The following SMARCD1 variants were observed in gnomAD, a reference collection of about 807,000 sequenced individuals.
SMARCD1 encodes the protein SWI/SNF-related matrix-associated actin-dependent regulator of chromatin subfamily D member 1.
SMARCD1 carries 16 observed loss-of-function variants against 70.8 expected under a neutral mutation model. That is an observed-to-expected ratio of 0.23 (90% confidence interval 0.15 to 0.34). The LOEUF (loss-of-function observed/expected upper bound fraction) is 0.34, where lower values mean the gene tolerates loss of function less well. Ranked by LOEUF, SMARCD1 falls within the 10% of genes least tolerant of loss-of-function variation. The pLI, the probability that SMARCD1 is intolerant of heterozygous loss-of-function variation, is 1.00. For synonymous variants in SMARCD1, 249 were observed against 246.0 expected, an observed-to-expected ratio of 1.01 and a Z score of -0.11; for missense variants, 409 against 655.5, an observed-to-expected ratio of 0.62 and a Z score of 4.11.
rs1413528857 is a variant in SMARCD1 at position 50,087,354 on chromosome 12, C to T, written c.532-9C>T. The T allele has an allele frequency of 6.2e-7, 1 of 1,613,302 alleles. No individual in the cohort carries two copies. Among genetic ancestry groups the T allele is most frequent in the Non-Finnish European group, 8.5e-7 (1 of 1,179,560 alleles). ...GCCCCACGATCAATCCTGTTTCTGC[C>T]TTCCTCAGCAAAAACGGAAGCTGCG... On this transcript the variant is annotated splice_polypyrimidine_tract_variant and intron_variant, in intron 4 of 12. Coordinates refer to ENST00000394963, the MANE Select transcript of SMARCD1 (RefSeq NM_003076.5).
intron 9 of SMARCD1, 83 bp from the exon 10 acceptor site, chr12:50,094,354 C>A: frequency 1.4e-6 from 2 of 1,390,954 alleles, no homozygotes; most frequent in Non-Finnish European, 9.8e-7. Flanking sequence ...CTTTTCTCTT[C>A]ATCCTGGGTC....
rs753092998 is a variant in SMARCD1 at position 50,099,134 on chromosome 12, T to G, written c.*134T>G. On this transcript the variant is annotated 3_prime_UTR_variant, in exon 13 of 13. Coordinates refer to ENST00000394963, the MANE Select transcript of SMARCD1 (RefSeq NM_003076.5). ...TGTTGGTTCAAGGACAACACCAGAA[T>G]GAAGAGGGTCTCACAAGACACCTGT... 2.6e-6 allele frequency: 2 copies of G among 757,120 alleles called. No homozygotes were observed. Among genetic ancestry groups the G allele is most frequent in the Non-Finnish European group, 4.6e-6 (2 of 434,890 alleles). 46.9% of individuals were successfully genotyped at this position (757,120 alleles called of 1,614,324 possible).
intron 5 of SMARCD1, 114 bp downstream of exon 5, chr12:50,087,599 T>A: frequency 1.6e-6 from 2 of 1,252,734 alleles, no homozygotes; most frequent in Non-Finnish European, 2.2e-6. Context: ...TTGGGAGCAG[T>A]AAGGAGAGGG....
At chr12:50,089,617 C>G (rs1314175928) in intron 6 of SMARCD1, among the ~76,000 whole-genome samples, 7 of 152,236 alleles carry the variant, frequency 4.6e-5, no homozygotes, top group Non-Finnish European at 7.3e-5. Flanking sequence ...TGTTACTGTT[C>G]ACATGTGTAT....
chr12:50,089,889 C>T lies in SMARCD1; in HGVS notation c.777C>T (p.His259=). Residue 259 remains histidine (H), a synonymous_variant, in exon 7 of 13, where the codon CAC becomes CAT. Transcript: ENST00000394963. The stretch of plus-strand genomic sequence containing the variant: ...TGACATCTTCCTCTCTGTAGTGGCA[C>T]AGGACCGCCACTACCCAGGAGACCG... ...YGPDNHLVEW[H]RTATTQETDG... is the part of the protein sequence containing the mutation. 1 of 1,612,978 alleles carries T rather than the reference C, an allele frequency of 6.2e-7. No homozygotes were observed. The highest frequency in any genetic ancestry group is 1.1e-5 in the South Asian group (1 of 91,064).
At chr12:50,095,085 ACCACGCCCAGC>A (rs1950880883) in intron 10 of SMARCD1, among the ~76,000 whole-genome samples, 1 of 152,262 alleles carries the variant, frequency 6.6e-6, no homozygotes, top group Admixed American at 6.5e-5. Context: ...GGCGTGAGCC[ACCACGCCCAGC>A]CCATAGTACC....
At chr12:50,093,356 GT>G (rs1404102017) in intron 9 of SMARCD1, among the ~76,000 whole-genome samples, 2 of 151,932 alleles carry the variant, frequency 1.3e-5, no homozygotes, top group Non-Finnish European at 2.9e-5. Context: ...TTGTATTGAG[GT>G]TTCGCCATGT....
At chr12:50,098,487 A>G (rs917011770) in intron 11 of SMARCD1, 2 of 553,814 alleles carry the variant, frequency 3.6e-6, no homozygotes, top group African/African-American at 1.9e-5. Flanking sequence ...TCCCCTCTTT[A>G]TAAGGGAACC....
intron 9 of SMARCD1, among the ~76,000 whole-genome samples, chr12:50,093,722 T>G (rs1950867830): frequency 6.6e-6 from 1 of 151,852 alleles, no homozygotes; most frequent in African/African-American, 2.4e-5. Flanking sequence ...GCTCAAGCAG[T>G]CCTCTTACCT....
chr12:50,092,423 C>T (rs1950853851), intron 9 of SMARCD1, among the ~76,000 whole-genome samples: 1 of 150,984 alleles, frequency 6.6e-6, no homozygotes, highest in African/African-American at 2.4e-5. Context: ...GGGGTTTTAC[C>T]ATGTTGGCCA....
intron 6 of SMARCD1, 192 bp downstream of exon 6, chr12:50,088,829 T>A: frequency 2.7e-6 from 1 of 375,816 alleles, no homozygotes; most frequent in East Asian, 4.0e-5. Context: ...CAAGGGCTCT[T>A]GTAACCTAAC....
chr12:50,087,564 G>A, intron 5 of SMARCD1, 79 bp downstream of exon 5: 2 of 1,529,890 alleles, frequency 1.3e-6, no homozygotes, highest in South Asian at 1.2e-5. Flanking sequence ...TCAGCAGGAA[G>A]CCTAACTGGT....
rs560835088 is a variant in SMARCD1, at chr12:50,087,887, G to C, written c.654+402G>C. Among the ~76,000 whole-genome samples, 5 of 152,156 alleles carry C rather than the reference G, an allele frequency of 3.3e-5. No homozygotes were observed. In the South Asian group the frequency reaches 1.0e-3, roughly 32 times the overall value. On this transcript the variant is annotated intron_variant, in intron 5 of 12. Coordinates refer to ENST00000394963, the MANE Select transcript of SMARCD1 (RefSeq NM_003076.5). ...TCACTGGAGGCACCCCACAGTTTAAGTAGGATAGATTTCTCTTGACAGGCT... is the reference window on the plus strand; with the variant it reads ...TCACTGGAGGCACCCCACAGTTTAACTAGGATAGATTTCTCTTGACAGGCT...
At chr12:50,094,404 C>T in intron 9 of SMARCD1, 33 bp from the exon 10 acceptor site, 1 of 1,607,214 alleles carries the variant, frequency 6.2e-7, no homozygotes, top group Admixed American at 1.7e-5. Flanking sequence ...AGGGGACAAG[C>T]TCTTTACCAG....
chr12:50,085,630 A>T, intron 1 of SMARCD1, 84 bp downstream of exon 1: 1 of 489,620 alleles, frequency 2.0e-6, no homozygotes, highest in Non-Finnish European at 2.5e-6. Flanking sequence ...GGGGAGAAGT[A>T]GGAGGGACTC....
Position 50,086,744 on chromosome 12 carries a change from T to C in SMARCD1, c.409-12T>C. On this transcript the variant is annotated splice_polypyrimidine_tract_variant and intron_variant, in intron 3 of 12. Coordinates refer to ENST00000394963, the MANE Select transcript of SMARCD1 (RefSeq NM_003076.5). ...ATCATCCTAGATTTCAATTAATTTT[T>C]CTGTTCCTAAGATTCGTGAACTGGT... The C allele has an allele frequency of 6.2e-7, 1 of 1,614,136 alleles. No homozygotes were observed. Among genetic ancestry groups the C allele is most frequent in the Non-Finnish European group, 8.5e-7 (1 of 1,180,012 alleles).
chr12:50,097,121 C>T, intron 11 of SMARCD1, 149 bp downstream of exon 11: 3 of 662,134 alleles, frequency 4.5e-6, no homozygotes, highest in Non-Finnish European at 7.4e-6. Context: ...TGCAATTAAG[C>T]AGGGAAATGG....
Position 50,085,344 on chromosome 12 carries a change from G to A in SMARCD1, c.-26G>A, listed in dbSNP as rs1950774894. On this transcript the variant is annotated 5_prime_UTR_variant, in exon 1 of 13. Transcript: ENST00000394963. ...GGGAGTTCCGGTTCCGGTTCTTTGT[G>A]CGGCTGCATCGGCGGCTCCGGGAAG... 3.2e-6 allele frequency: 4 copies of A among 1,260,586 alleles called. No individual in the cohort carries two copies. The highest frequency in any genetic ancestry group is 4.0e-6 in the Non-Finnish European group (4 of 1,004,748). 78.1% of individuals were successfully genotyped at this position (1,260,586 alleles called of 1,614,324 possible).
chr12:50,093,654 T>A (rs996095874), intron 9 of SMARCD1, among the ~76,000 whole-genome samples: 1 of 151,936 alleles, frequency 6.6e-6, no homozygotes, highest in Non-Finnish European at 1.5e-5. Context: ...AGGAATTGTT[T>A]TGAAATTTTT....
Sources: allele counts gnomAD v4.1 joint callset (sites outside exome capture counted in the v4.1 genomes callset), GRCh38; gene constraint gnomAD v4.1.1; transcripts MANE v1.5; gene names NCBI Gene and HGNC (gene_info 2026-07-23, HGNC 2026-07-21).